The following COG6 variants were observed in gnomAD, a reference collection of about 807,000 sequenced individuals.
COG6 encodes the protein conserved oligomeric Golgi complex subunit 6.
A neutral mutation model predicts 88.8 loss-of-function variants in COG6; 74 were observed. That is an observed-to-expected ratio of 0.83 (90% CI 0.69 to 1.01). The LOEUF (loss-of-function observed/expected upper bound fraction) is 1.01, where lower values mean the gene tolerates loss of function less well. COG6 is among the 50% of genes least tolerant of loss of function. The pLI, the probability that COG6 is intolerant of heterozygous loss-of-function variation, is 0.00. For synonymous variants in COG6, 286 were observed against 278.7 expected (o/e 1.03, Z -0.26); for missense variants, 800 against 797.9 (o/e 1.00, Z -0.03).
rs532207151 is a variant in COG6, at chr13:39,682,280, T to G, written c.788+16T>G. 6.5e-7 allele frequency: 1 copy of G among 1,527,576 alleles called. No homozygotes were observed. Among genetic ancestry groups the G allele is most frequent in the Non-Finnish European group, 9.1e-7 (1 of 1,102,148 alleles). 94.6% of individuals were successfully genotyped at this position (1,527,576 alleles called of 1,614,324 possible). On this transcript the variant is annotated intron_variant, in intron 8 of 18. Coordinates refer to ENST00000455146, the MANE Select transcript of COG6 (RefSeq NM_020751.3). ...TCTTATATAAGTTGGTGACTTTTTC[T>G]TAATTAAAAATGAAAGCCTACTTTT...
At position 39,655,830 on chromosome 13, in the gene COG6, TGTC is replaced by T; in HGVS notation, c.106_108del (p.Ser36del). The stretch of plus-strand genomic sequence containing the variant: ...ACCTCGGCGACGACCTGCAACCCGC[TGTC>T]GCGCAAGCTGCATAAGATCCTGGAG... On this transcript the variant is annotated inframe_deletion, in exon 1 of 19. Coordinates refer to ENST00000455146, the MANE Select transcript of COG6 (RefSeq NM_020751.3). 1 of 1,604,712 alleles carries T rather than the reference TGTC, an allele frequency of 6.2e-7. No individual in the cohort carries two copies. Among genetic ancestry groups the T allele is most frequent in the South Asian group, 1.1e-5 (1 of 89,804 alleles).
intron 13 of COG6, 111 bp from the exon 14 acceptor site, chr13:39,719,125 G>C: frequency 3.0e-6 from 3 of 1,000,716 alleles, no homozygotes; most frequent in Admixed American, 3.8e-5. Context: ...TTTCTAATGT[G>C]TGAGTCTGTG....
rs943857641 is a variant in COG6 at position 39,719,321 on chromosome 13, A to T, written c.1370A>T (p.Asp457Val). ...MLLREVLASH[D>V]SSVVPLDARQ... ...CTGCGTGAAGTTTTAGCATCTCACG[A>T]TTCTTCAGTTGTACCATTAGATGCT... The change falls in exon 14 of 19, where the codon GAT becomes GTT. Residue 457 changes from aspartate to valine, a missense_variant. Asp to Val is a radical substitution (Grantham distance 152). Coordinates refer to ENST00000455146, the MANE Select transcript of COG6 (RefSeq NM_020751.3). 1 of 1,612,630 alleles carries T rather than the reference A, an allele frequency of 6.2e-7. No homozygotes were observed. The highest frequency in any genetic ancestry group is 8.5e-7 in the Non-Finnish European group (1 of 1,179,160).
At position 39,751,209 on chromosome 13, in the gene COG6, A is replaced by C. The variant is rs534020234; in HGVS notation, c.*116A>C. The C allele has an allele frequency of 2.6e-6, 4 of 1,528,128 alleles. No homozygotes were observed. The South Asian group carries it at 3.7e-5, about 14-fold the overall frequency. 94.7% of individuals were successfully genotyped at this position (1,528,128 alleles called of 1,614,324 possible). On this transcript the variant is annotated 3_prime_UTR_variant, in exon 19 of 19. Coordinates refer to ENST00000455146, the MANE Select transcript of COG6 (RefSeq NM_020751.3). The stretch of plus-strand genomic sequence containing the variant: ...TAGTTACAGTTTTCTTTGTATCATA[A>C]GATTGTAAGTCCCGATAATTTTTTT...
chr13:39,789,564 C>CACCTGCTCCACCCTGCCTCATTCCGATT (rs1881879185), exon 19 of COG6: 1 of 149,522 alleles, frequency 6.7e-6, no homozygotes, highest in Admixed American at 6.7e-5. Flanking sequence ...TCATTCCCAT[C>CACCTGCTCCACCCTGCCTCATTCCGATT]ACCTGCTCCA....
chr13:39,655,863 G>A lies in COG6; in HGVS notation c.137G>A (p.Arg46Gln), dbSNP rs769111696. 2.5e-6 allele frequency: 4 copies of A among 1,607,314 alleles called. No homozygotes were observed. Among genetic ancestry groups the A allele is most frequent in the Non-Finnish European group, 3.4e-6 (4 of 1,177,920 alleles). ...AAGCTGCATAAGATCCTGGAGACGC[G>A]GCTGGACAACGACAAGGTAACCGGG... Reference protein sequence around the residue: ...SRKLHKILETRLDNDKEMLEA... With the variant: ...SRKLHKILETQLDNDKEMLEA... The change falls in exon 1 of 19, where the codon CGG (arginine) becomes CAG (glutamine). Residue 46 changes from arginine (R) to glutamine (Q), a missense_variant. Coordinates refer to ENST00000455146, the MANE Select transcript of COG6 (RefSeq NM_020751.3).
At chr13:39,662,659 C>G (rs1874982948) in intron 3 of COG6, among the ~76,000 whole-genome samples, 1 of 152,194 alleles carries the variant, frequency 6.6e-6, no homozygotes, top group East Asian at 1.9e-4. Flanking sequence ...AAAAGATTGC[C>G]TCATAGCTTT....
intron 3 of COG6, chr13:39,664,191 A>G (rs924514162): frequency 9.7e-5 from 15 of 154,518 alleles, no homozygotes; most frequent in African/African-American, 3.6e-4. Context: ...GTATTCCAAC[A>G]TGAAAATGAC....
chr13:39,752,299 G>A lies in COG6; in HGVS notation c.*1206G>A. 8.3e-6 allele frequency: 7 copies of A among 847,384 alleles called. No homozygotes were observed. Among genetic ancestry groups the A allele is most frequent in the South Asian group, 1.7e-5 (1 of 59,270 alleles). 52.5% of individuals were successfully genotyped at this position (847,384 alleles called of 1,614,324 possible). ...TAGTATTTGTAGAAGATTATGTGTT[G>A]TATATAACAAATTAGTATTTATAGA... On this transcript the variant is annotated 3_prime_UTR_variant, in exon 19 of 19. Coordinates refer to ENST00000455146, the MANE Select transcript of COG6 (RefSeq NM_020751.3).
chr13:39,686,206 A>G (rs1440146100), intron 8 of COG6, among the ~76,000 whole-genome samples: 1 of 152,214 alleles, frequency 6.6e-6, no homozygotes, highest in African/African-American at 2.4e-5. Flanking sequence ...TTAGTATGGT[A>G]GAATACTGTT....
intron 3 of COG6, among the ~76,000 whole-genome samples, 180 bp from the exon 4 acceptor site, chr13:39,664,916 G>C (rs765980581): frequency 6.6e-6 from 1 of 152,142 alleles, no homozygotes; most frequent in Non-Finnish European, 1.5e-5. Flanking sequence ...ATTAAGAACT[G>C]AGTGTGTTCC....
At chr13:39,722,236 G>T (rs9603602) in intron 15 of COG6, among the ~76,000 whole-genome samples, 39,973 of 150,856 alleles carry the variant, frequency 0.26, 5,374 homozygotes, top group African/African-American at 0.33. Flanking sequence ...TTACCTTTGC[G>T]CACTTTGTTT....
At chr13:39,747,237 G>T (rs1014996639) in intron 18 of COG6, among the ~76,000 whole-genome samples, 1 of 152,138 alleles carries the variant, frequency 6.6e-6, no homozygotes, top group African/African-American at 2.4e-5. Flanking sequence ...GTAGGAACCT[G>T]TTGCTTTGGT....
At chr13:39,740,509 G>A (rs1318714580) in intron 18 of COG6, among the ~76,000 whole-genome samples, 1 of 152,180 alleles carries the variant, frequency 6.6e-6, no homozygotes, top group East Asian at 1.9e-4. Flanking sequence ...GTAAGAAGTA[G>A]AGCCATGATT....
At chr13:39,744,551 A>T (rs184072938) in intron 18 of COG6, among the ~76,000 whole-genome samples, 68 of 152,316 alleles carry the variant, frequency 4.5e-4, no homozygotes, top group African/African-American at 1.3e-3. Flanking sequence ...CTTACAAGGG[A>T]TGTGAAGGAC....
At chr13:39,750,224 G>A (rs1414191988) in intron 18 of COG6, among the ~76,000 whole-genome samples, 1 of 152,160 alleles carries the variant, frequency 6.6e-6, no homozygotes, top group African/African-American at 2.4e-5. Context: ...TCTTCTCATG[G>A]TGATACATGA....
At chr13:39,658,482 G>A (rs1428261151) in intron 1 of COG6, among the ~76,000 whole-genome samples, 21 of 151,980 alleles carry the variant, frequency 1.4e-4, no homozygotes. Flanking sequence ...TGCCATCTTG[G>A]TCTAAGCCAC....
At chr13:39,694,957 A>ACG (rs397851509) in intron 12 of COG6, among the ~76,000 whole-genome samples, 885 of 73,122 alleles carry the variant, frequency 0.012, 3 homozygotes, top group Non-Finnish European at 0.025. Flanking sequence ...AACTACACGC[A>ACG]CACACACACA....
chr13:39,660,005 TA>T (rs1405424666), intron 2 of COG6, among the ~76,000 whole-genome samples: 1 of 152,186 alleles, frequency 6.6e-6, no homozygotes, highest in African/African-American at 2.4e-5. Context: ...TTTATGTTAT[TA>T]TATCTTTATT....
Sources: gnomAD v4.1 joint callset for allele counts (sites outside exome capture counted in the v4.1 genomes callset) on GRCh38, gnomAD v4.1.1 for gene constraint, MANE v1.5 for transcripts, NCBI Gene and HGNC (gene_info 2026-07-23, HGNC 2026-07-21) for gene names.